Variants in PTPRG observed in about 807,000 individuals in gnomAD.
The protein encoded by PTPRG is protein tyrosine phosphatase receptor type G.
PTPRG carries 102 observed loss-of-function variants against 165.3 expected under a neutral mutation model. The ratio of observed to expected loss-of-function variants is 0.62; its 90% CI spans 0.53 to 0.73. The LOEUF (loss-of-function observed/expected upper bound fraction) is 0.73. Ranked by LOEUF, PTPRG falls within the 30% of genes least tolerant of loss-of-function variation. The pLI is 0.00. For missense variants in PTPRG, 1,866 were observed against 1,861.4 expected (o/e 1.00, Z -0.05); for synonymous variants, 675 against 669.5 (o/e 1.01, Z -0.13).
chr3:62,205,206 TG>T (rs1266181809), intron 12 of PTPRG, among the ~76,000 whole-genome samples: 1 of 152,138 alleles, frequency 6.6e-6, no homozygotes, highest in Admixed American at 6.6e-5. Context: ...TAGCTGTGAC[TG>T]GGGGAAAGGT....
At chr3:61,609,972 AC>A (rs1701122650) in intron 1 of PTPRG, among the ~76,000 whole-genome samples, 1 of 150,922 alleles carries the variant, frequency 6.6e-6, no homozygotes, top group Non-Finnish European at 1.5e-5. Context: ...AATGCAGATA[AC>A]TTTTGATTAT....
intron 4 of PTPRG, among the ~76,000 whole-genome samples, chr3:62,049,150 G>C (rs574437722): frequency 1.1e-4 from 17 of 151,896 alleles, no homozygotes; most frequent in South Asian, 4.2e-4. Flanking sequence ...GGGGAGAAAC[G>C]TATCTCATCG....
chr3:61,670,444 A>G (rs1344996086), intron 1 of PTPRG, among the ~76,000 whole-genome samples: 2 of 152,110 alleles, frequency 1.3e-5, no homozygotes, highest in African/African-American at 4.8e-5. Context: ...CCATTTTGTG[A>G]TATTTGTTTA....
chr3:61,579,096 C>T (rs1700226211), intron 1 of PTPRG, among the ~76,000 whole-genome samples: 1 of 152,118 alleles, frequency 6.6e-6, no homozygotes, highest in African/African-American at 2.4e-5. Context: ...AAAAGAGTTC[C>T]CTGAGGACTA....
chr3:62,202,003 GATA>G (rs200503844), intron 11 of PTPRG, among the ~76,000 whole-genome samples: 113 of 152,240 alleles, frequency 7.4e-4, no homozygotes, highest in African/African-American at 2.6e-3. Flanking sequence ...CAGCAGTGGT[GATA>G]ATAATAATAG....
At chr3:61,794,180 C>T (rs149255950) in intron 2 of PTPRG, among the ~76,000 whole-genome samples, 87 of 152,224 alleles carry the variant, frequency 5.7e-4, no homozygotes, top group African/African-American at 2.1e-3. Flanking sequence ...TTTCCACCCC[C>T]ATCTCCATTT....
In PTPRG at chr3:62,214,434, C is replaced by G. The variant is rs1226472006; in HGVS notation, c.2156-4417C>G. The stretch of plus-strand genomic sequence containing the variant: ...ATGCATTAACTCATTTAATCTTCAT[C>G]CCACCACAATGCCGTATGCAATATT... On this transcript the variant is annotated intron_variant, in intron 12 of 29. Coordinates refer to ENST00000474889, the MANE Select transcript of PTPRG (RefSeq NM_002841.4). This position sits in a 1 kb window ranked among gnomAD's most constrained non-coding sequence, Gnocchi z 5.2. 6.6e-6 allele frequency among the ~76,000 whole-genome samples: 1 copy of G among 152,188 alleles called. No homozygotes were observed. Among genetic ancestry groups the G allele is most frequent in the Non-Finnish European group, 1.5e-5 (1 of 68,036 alleles).
intron 2 of PTPRG, among the ~76,000 whole-genome samples, chr3:61,932,609 A>G (rs1237970917): frequency 6.6e-6 from 1 of 152,178 alleles, no homozygotes; most frequent in African/African-American, 2.4e-5. Flanking sequence ...TCAAGCTAGC[A>G]TTGTAGTGCA....
rs537162206 is a variant in PTPRG at position 62,069,637 on chromosome 3, GTCTCTCTCTCTC to G, written c.520-8489_520-8478del. On this transcript the variant is annotated intron_variant, in intron 4 of 29. Transcript: ENST00000474889. Reference sequence around the variant, plus strand: ...AGAGAAAGAGAGCCATAGGATCGATGTCTCTCTCTCTCTCTCTCTCTCTCTCTCTCTCTCTCT... The same window carrying G: ...AGAGAAAGAGAGCCATAGGATCGATGTCTCTCTCTCTCTCTCTCTCTCTCT... Among the ~76,000 whole-genome samples, 369 of 141,076 alleles carry G rather than the reference GTCTCTCTCTCTC, an allele frequency of 2.6e-3. 2 individuals are homozygous for G. Among genetic ancestry groups the G allele is most frequent in the South Asian group, 6.1e-3 (25 of 4,082 alleles). The allele number at this position is 141,076 out of a possible 152,430, so 92.6% of individuals were successfully genotyped here. A position where few individuals can be genotyped will look rare whatever the true frequency, so the allele number is the denominator to read the frequency against.
intron 1 of PTPRG, among the ~76,000 whole-genome samples, chr3:61,663,598 T>A (rs1702728139): frequency 6.6e-6 from 1 of 151,996 alleles, no homozygotes; most frequent in Non-Finnish European, 1.5e-5. Flanking sequence ...GCATTACATT[T>A]ATTATGCGCT....
At chr3:61,922,724 T>A (rs2039109858) in intron 2 of PTPRG, among the ~76,000 whole-genome samples, 1 of 152,226 alleles carries the variant, frequency 6.6e-6, no homozygotes, top group African/African-American at 2.4e-5. Context: ...CACTGCAGCC[T>A]CGGCTTCCTG....
intron 15 of PTPRG, among the ~76,000 whole-genome samples, chr3:62,249,783 A>G (rs971227316): frequency 6.6e-6 from 1 of 152,190 alleles, no homozygotes; most frequent in African/African-American, 2.4e-5. Flanking sequence ...ACTGAAGCCT[A>G]CCCTCAAAGC....
chr3:61,712,653 G>A (rs1049200813), intron 1 of PTPRG, among the ~76,000 whole-genome samples: 5 of 152,130 alleles, frequency 3.3e-5, no homozygotes, highest in East Asian at 1.9e-4. Flanking sequence ...ATGATTGTAA[G>A]TTTCCTGAGG....
chr3:61,686,541 A>G (rs1045596261), intron 1 of PTPRG, among the ~76,000 whole-genome samples: 3 of 152,226 alleles, frequency 2.0e-5, no homozygotes, highest in African/African-American at 7.2e-5. Flanking sequence ...CTCTGCCCCC[A>G]GGTGTGTGCC....
intron 4 of PTPRG, among the ~76,000 whole-genome samples, chr3:62,010,018 A>G (rs537223919): frequency 6.6e-6 from 1 of 152,292 alleles, no homozygotes; most frequent in African/African-American, 2.4e-5. Flanking sequence ...CCTGGGCTCA[A>G]CCGGTTCTCT....
In PTPRG at chr3:62,228,687, G is replaced by A. The variant is rs912816871; in HGVS notation, c.2289-2538G>A. ...ATGCAAAGCAAAGTCCACTGTTAAC[G>A]GGTAGAATCAGATTCTTTTCTGGAA... On this transcript the variant is annotated intron_variant, in intron 13 of 29. Transcript: ENST00000474889. This position sits in a 1 kb window ranked among gnomAD's most constrained non-coding sequence, Gnocchi z 4.1. 1.2e-4 allele frequency among the ~76,000 whole-genome samples: 19 copies of A among 152,120 alleles called. No individual in the cohort carries two copies. Among genetic ancestry groups the A allele is most frequent in the African/African-American group, 4.1e-4 (17 of 41,486 alleles).
chr3:61,818,845 AATAGTGAAATAGTGAATAGTGAAATAGTG>A (rs2035870220), intron 2 of PTPRG, among the ~76,000 whole-genome samples: 2 of 87,952 alleles, frequency 2.3e-5, no homozygotes, highest in African/African-American at 1.2e-4. Context: ...TGAAATAGTG[AATAGTGAAATAGTGAATAGTGAAATAGTG>A]AATAGTGAAA....
chr3:61,709,040 C>T (rs2031415180), intron 1 of PTPRG, among the ~76,000 whole-genome samples: 1 of 152,230 alleles, frequency 6.6e-6, no homozygotes, highest in African/African-American at 2.4e-5. Context: ...ATGTTAATTT[C>T]AGCACTATGC....
rs935796175 is a variant in PTPRG at position 62,180,313 on chromosome 3, C to T, written c.1034-11156C>T. ...CTTTAGAGCTCTATTTTAGGTGACCCGCTGTTTCTTCATAGTAAAGGGGAC... is the reference window on the plus strand; with the variant it reads ...CTTTAGAGCTCTATTTTAGGTGACCTGCTGTTTCTTCATAGTAAAGGGGAC... On this transcript the variant is annotated intron_variant, in intron 8 of 29. Coordinates refer to ENST00000474889, the MANE Select transcript of PTPRG (RefSeq NM_002841.4). Among the ~76,000 whole-genome samples, 20 of 152,046 alleles carry T rather than the reference C, an allele frequency of 1.3e-4. No homozygotes were observed. The South Asian group carries it at 1.7e-3, about 13-fold the overall frequency.
Sources: gnomAD v4.1 joint callset for allele counts (sites outside exome capture counted in the v4.1 genomes callset) on GRCh38, gnomAD v4.1.1 for gene constraint, Gnocchi (gnomAD v3.1) non-coding constraint, MANE v1.5 for transcripts, NCBI Gene and HGNC (gene_info 2026-07-23, HGNC 2026-07-21) for gene names.